GJD4: variants seen among roughly 807,000 people sequenced by gnomAD.
GJD4 encodes gap junction protein delta 4.
A neutral mutation model predicts 17.9 loss-of-function variants in GJD4; 18 were observed. The observed-to-expected ratio is 1.00, with a 90% CI of 0.69 to 1.49. GJD4 has a LOEUF of 1.49. Ranked by LOEUF, GJD4 falls within the 40% of genes most tolerant of loss-of-function variation. The pLI, the probability that GJD4 is intolerant of heterozygous loss-of-function variation, is 0.00. For synonymous variants in GJD4, 293 were observed against 236.8 expected, an observed-to-expected ratio of 1.24 and a Z score of -2.18; for missense variants, 639 against 506.9, an observed-to-expected ratio of 1.26 and a Z score of -2.50.
rs563773627 is a variant in GJD4, at chr10:35,607,567, C to G, written c.65-11C>G. On this transcript the variant is annotated splice_polypyrimidine_tract_variant and intron_variant, in intron 1 of 1. Coordinates refer to ENST00000321660, the MANE Select transcript of GJD4 (RefSeq NM_153368.3). ...GGGGTGATGAGGCCATGCCCGCTTC[C>G]TCTCTTCCAGGAAAGCTCTGGTTCG... 3.4e-5 allele frequency: 55 copies of G among 1,608,934 alleles called. No individual in the cohort carries two copies. The East Asian group carries it at 1.1e-3, about 32-fold the overall frequency.
rs1175684732 is a variant in GJD4 at position 35,608,311 on chromosome 10, G to T, written c.798G>T (p.Pro266=). ...GREEEGAPAP[P]GARAGGEGAG... ...AGGAAGAGGGGGCACCGGCGCCCCC[G>T]GGTGCACGCGCCGGAGGGGAGGGGG... The change falls in exon 2 of 2, where the codon CCG becomes CCT. Residue 266 remains proline (P), a synonymous_variant. Coordinates refer to ENST00000321660, the MANE Select transcript of GJD4 (RefSeq NM_153368.3). The T allele has an allele frequency of 2.6e-6, 4 of 1,547,786 alleles. No homozygotes were observed. Among genetic ancestry groups the T allele is most frequent in the South Asian group, 2.4e-5 (2 of 84,122 alleles).
In GJD4 at chr10:35,607,856, C is replaced by G; in HGVS notation, c.343C>G (p.Arg115Gly). The G allele has an allele frequency of 1.9e-6, 3 of 1,598,976 alleles. No homozygotes were observed. Among genetic ancestry groups the G allele is most frequent in the East Asian group, 4.5e-5 (2 of 44,684 alleles). The change falls in exon 2 of 2, where the codon CGG (arginine) becomes GGG (glycine). Residue 115 changes from arginine (R) to glycine (G), a missense_variant. Coordinates refer to ENST00000321660, the MANE Select transcript of GJD4 (RefSeq NM_153368.3). ...ALGPRRCPDPREPASGQRRCP... is the reference protein window; with the variant it reads ...ALGPRRCPDPGEPASGQRRCP... Reference sequence around the variant, plus strand: ...GGGCCCCCGCCGCTGCCCCGACCCCCGGGAGCCGGCCTCCGGGCAGAGACG... The same window carrying G: ...GGGCCCCCGCCGCTGCCCCGACCCCGGGGAGCCGGCCTCCGGGCAGAGACG...
Position 35,608,813 on chromosome 10 carries a change from C to T in GJD4, c.*187C>T, listed in dbSNP as rs1489267524. 1 of 494,970 alleles carries T rather than the reference C, an allele frequency of 2.0e-6. No individual in the cohort carries two copies. Among genetic ancestry groups the T allele is most frequent in the African/African-American group, 2.0e-5 (1 of 49,154 alleles). The allele number at this position is 494,970 out of a possible 1,614,324, so 30.7% of individuals were successfully genotyped here. A position where few individuals can be genotyped will look rare whatever the true frequency, so the allele number is the denominator to read the frequency against. On this transcript the variant is annotated 3_prime_UTR_variant, in exon 2 of 2. Coordinates refer to ENST00000321660, the MANE Select transcript of GJD4 (RefSeq NM_153368.3). ...ATTAGCTGGGCACAGTGGCTCCCTCCTGTAGTCCCAGCTACTTGGGAGGCT... is the reference window on the plus strand; with the variant it reads ...ATTAGCTGGGCACAGTGGCTCCCTCTTGTAGTCCCAGCTACTTGGGAGGCT...
Position 35,608,720 on chromosome 10 carries a change from C to T in GJD4, c.*94C>T. 2.2e-6 allele frequency: 2 copies of T among 903,332 alleles called. No homozygotes were observed. Among genetic ancestry groups the T allele is most frequent in the East Asian group, 2.9e-5 (1 of 34,470 alleles). The allele number at this position is 903,332 out of a possible 1,614,324, so 56.0% of individuals were successfully genotyped here. ...GGAGGATCGTTTGAGAATATATCTC[C>T]TTGCCCAAGAGTTTGAGACCAGCCT... On this transcript the variant is annotated 3_prime_UTR_variant, in exon 2 of 2. Coordinates refer to ENST00000321660, the MANE Select transcript of GJD4 (RefSeq NM_153368.3).
Position 35,608,766 on chromosome 10 carries a change from C to A in GJD4, c.*140C>A. 1.7e-6 allele frequency: 1 copy of A among 595,222 alleles called. No individual in the cohort carries two copies. Among genetic ancestry groups the A allele is most frequent in the Non-Finnish European group, 2.8e-6 (1 of 352,212 alleles). The allele number at this position is 595,222 out of a possible 1,614,324, so 36.9% of individuals were successfully genotyped here. ...AGCCTGGACAACATAATGAGACCCT[C>A]GTCTCTACAAAATATCTAAAAATTA... On this transcript the variant is annotated 3_prime_UTR_variant, in exon 2 of 2. Transcript: ENST00000321660.
At chr10:35,606,486 C>T (rs1057229694) in intron 1 of GJD4, 1 of 152,074 alleles carries the variant, frequency 6.6e-6, no homozygotes, top group Non-Finnish European at 1.5e-5. Context: ...GTATGGGGGT[C>T]AGAAAAGGAT....
chr10:35,607,359 C>G, intron 1 of GJD4: 1 of 572,250 alleles, frequency 1.7e-6, no homozygotes, highest in Non-Finnish European at 3.1e-6. Flanking sequence ...GCCAAGGCGG[C>G]AGGAGCACTT....
At position 35,608,030 on chromosome 10, in the gene GJD4, T is replaced by C; in HGVS notation, c.517T>C (p.Phe173Leu). 6.2e-7 allele frequency: 1 copy of C among 1,611,024 alleles called. No individual in the cohort carries two copies. Among genetic ancestry groups the C allele is most frequent in the Non-Finnish European group, 8.5e-7 (1 of 1,179,110 alleles). Reference sequence around the variant, plus strand: ...CTTTGGATTCCTGGCCCCGAAGAAGTTCCCTTGCACGCGCCCTCCGTGCAC... The same window carrying C: ...CTTTGGATTCCTGGCCCCGAAGAAGCTCCCTTGCACGCGCCCTCCGTGCAC... ...FLFGFLAPKK[F>L]PCTRPPCTGV... The change falls in exon 2 of 2, where the codon TTC becomes CTC. Residue 173 changes from phenylalanine (F) to leucine (L), a missense_variant. Phe to Leu is a conservative substitution (Grantham distance 22). Coordinates refer to ENST00000321660, the MANE Select transcript of GJD4 (RefSeq NM_153368.3).
chr10:35,606,488 G>GA (rs1835455577), intron 1 of GJD4: 1 of 152,216 alleles, frequency 6.6e-6, no homozygotes. Context: ...ATGGGGGTCA[G>GA]AAAAGGATGA....
rs1367232544 is a variant in GJD4 at position 35,608,265 on chromosome 10, C to G, written c.752C>G (p.Thr251Ser). ...GASGHAEGRR[T>S]DEEGGREEEG... The stretch of plus-strand genomic sequence containing the variant: ...TCAGGCCACGCGGAGGGACGCCGGA[C>G]TGACGAGGAGGGTGGGCGGGAGGAA... Residue 251 changes from threonine (T) to serine (S), a missense_variant, in exon 2 of 2, where the codon ACT (threonine) becomes AGT (serine). Physicochemically the swap from Thr to Ser is moderately conservative, Grantham distance 58. Transcript: ENST00000321660. 1 of 1,570,204 alleles carries G rather than the reference C, an allele frequency of 6.4e-7. No homozygotes were observed. Among genetic ancestry groups the G allele is most frequent in the Admixed American group, 1.8e-5 (1 of 54,734 alleles).
chr10:35,608,935 C>CA (rs3067572), downstream of GJD4: 8,390 of 57,984 alleles, frequency 0.14, 727 homozygotes, highest in African/African-American at 0.24. Flanking sequence ...GAGACCCTGT[C>CA]AAAAAAAAAA....
chr10:35,606,291 C>G (rs182985490), intron 1 of GJD4: 1 of 152,256 alleles, frequency 6.6e-6, no homozygotes, highest in Non-Finnish European at 1.5e-5. Flanking sequence ...GTGAGCCACC[C>G]GCCTTGGCTT....
rs1405896445 is a variant in GJD4 at position 35,608,014 on chromosome 10, C to T, written c.501C>T (p.Phe167=). 5 of 1,611,716 alleles carry T rather than the reference C, an allele frequency of 3.1e-6. No individual in the cohort carries two copies. The Admixed American group carries it at 6.7e-5, about 22-fold the overall frequency. The change falls in exon 2 of 2, where the codon TTC becomes TTT. Residue 167 remains phenylalanine (F), a synonymous_variant. Coordinates refer to ENST00000321660, the MANE Select transcript of GJD4 (RefSeq NM_153368.3). ...CCTTGCACTACTTTCTCTTTGGATT[C>T]CTGGCCCCGAAGAAGTTCCCTTGCA... ...FGALHYFLFG[F]LAPKKFPCTR...
rs768579100 is a variant in GJD4, at chr10:35,608,306, C to T, written c.793C>T (p.Pro265Ser). ...GGREEEGAPA[P>S]PGARAGGEGA... The stretch of plus-strand genomic sequence containing the variant: ...GCGGGAGGAAGAGGGGGCACCGGCG[C>T]CCCCGGGTGCACGCGCCGGAGGGGA... Residue 265 changes from proline (P) to serine (S), a missense_variant, in exon 2 of 2, where the codon CCC becomes TCC. By Grantham distance (74) the Pro-to-Ser change is moderately conservative (BLOSUM62 -1). Coordinates refer to ENST00000321660, the MANE Select transcript of GJD4 (RefSeq NM_153368.3). 4.5e-5 allele frequency: 69 copies of T among 1,546,090 alleles called. No homozygotes were observed. The East Asian group carries it at 1.0e-3, about 23-fold the overall frequency.
In GJD4 at chr10:35,605,778, C is replaced by T. The variant is rs1390340949; in HGVS notation, c.64+147C>T. The T allele has an allele frequency of 4.6e-6, 3 of 647,706 alleles. No individual in the cohort carries two copies. The East Asian group carries it at 8.1e-5, about 17-fold the overall frequency. The allele number at this position is 647,706 out of a possible 1,614,324, so 40.1% of individuals were successfully genotyped here. A position where few individuals can be genotyped will look rare whatever the true frequency, so the allele number is the denominator to read the frequency against. Reference sequence around the variant, plus strand: ...GTCCACCCACTCCCAAAAGAAAGGGCTGTGCCTTTCTGGAGGGAAGAGAGC... The same window carrying T: ...GTCCACCCACTCCCAAAAGAAAGGGTTGTGCCTTTCTGGAGGGAAGAGAGC... On this transcript the variant is annotated intron_variant, in intron 1 of 1. Coordinates refer to ENST00000321660, the MANE Select transcript of GJD4 (RefSeq NM_153368.3).
At position 35,607,665 on chromosome 10, in the gene GJD4, G is replaced by A; in HGVS notation, c.152G>A (p.Arg51Lys). The A allele has an allele frequency of 6.2e-7, 1 of 1,614,198 alleles. No homozygotes were observed. The highest frequency in any genetic ancestry group is 8.5e-7 in the Non-Finnish European group (1 of 1,180,038). Reference sequence around the variant, plus strand: ...CCCGTCTACCAGGACGAGCAGGAGAGGTTTGTCTGCAACACGCTGCAGCCG... The same window carrying A: ...CCCGTCTACCAGGACGAGCAGGAGAAGTTTGTCTGCAACACGCTGCAGCCG... The part of the protein sequence containing the change: ...GRPVYQDEQE[R>K]FVCNTLQPGC... Residue 51 changes from arginine to lysine, a missense_variant, in exon 2 of 2, where the codon AGG (arginine) becomes AAG (lysine). Coordinates refer to ENST00000321660, the MANE Select transcript of GJD4 (RefSeq NM_153368.3).
At chr10:35,607,188 T>C (rs1835466103) in intron 1 of GJD4, 1 of 199,398 alleles carries the variant, frequency 5.0e-6, no homozygotes, top group African/African-American at 2.3e-5. Context: ...TAAAACACTT[T>C]TAATATAATG....
Position 35,608,170 on chromosome 10 carries a change from C to G in GJD4, c.657C>G (p.Ser219Arg), listed in dbSNP as rs1835486066. The change falls in exon 2 of 2, where the codon AGC (serine) becomes AGG (arginine). Residue 219 changes from serine (S) to arginine (R), a missense_variant. Transcript: ENST00000321660. ...FLLGLADLVCSLRRRMRRRPG... is the reference protein window; with the variant it reads ...FLLGLADLVCRLRRRMRRRPG... ...TGGGCCTCGCCGACCTGGTCTGCAGCCTGCGGCGGCGGATGCGCAGGAGGC... is the reference window on the plus strand; with the variant it reads ...TGGGCCTCGCCGACCTGGTCTGCAGGCTGCGGCGGCGGATGCGCAGGAGGC... The G allele has an allele frequency of 1.2e-6, 2 of 1,601,746 alleles. No homozygotes were observed. Among genetic ancestry groups the G allele is most frequent in the South Asian group, 1.1e-5 (1 of 89,876 alleles).
At chr10:35,607,503 AATAGAC>A in intron 1 of GJD4, 69 bp from the exon 2 acceptor site, 2 of 951,910 alleles carry the variant, frequency 2.1e-6, no homozygotes, top group South Asian at 3.0e-5. Context: ...TCTCAGCCCC[AATAGAC>A]ACTTTAAAGC....
Sources: allele counts gnomAD v4.1 joint callset, GRCh38; gene constraint gnomAD v4.1.1; transcripts MANE v1.5; gene names NCBI Gene and HGNC (gene_info 2026-07-23, HGNC 2026-07-21).